Variants in CDKAL1 observed in about 807,000 individuals in gnomAD.
The protein encoded by CDKAL1 is threonylcarbamoyladenosine tRNA methylthiotransferase.
In CDKAL1, 32 loss-of-function variants were observed where a neutral mutation model predicts 68.2. The ratio of observed to expected loss-of-function variants is 0.47; its 90% confidence interval spans 0.35 to 0.63. CDKAL1 has a LOEUF of 0.63. Among genes scored for constraint, CDKAL1 ranks in the 30% least tolerant of loss-of-function variants. CDKAL1 has a pLI of 0.00. For synonymous variants in CDKAL1, 234 were observed against 244.3 expected, an observed-to-expected ratio of 0.96 and a Z score of 0.39; for missense variants, 606 against 696.7, an observed-to-expected ratio of 0.87 and a Z score of 1.47.
intron 9 of CDKAL1, among the ~76,000 whole-genome samples, chr6:20,888,473 A>C: frequency 6.9e-6 from 1 of 144,332 alleles, no homozygotes; most frequent in African/African-American, 2.6e-5. Context: ...GAACCCATTA[A>C]CTCGTCATTT....
chr6:20,812,385 TA>T (rs1487778746), intron 8 of CDKAL1, among the ~76,000 whole-genome samples: 3 of 152,254 alleles, frequency 2.0e-5, no homozygotes, highest in Non-Finnish European at 2.9e-5. Flanking sequence ...TGGCTCCTAT[TA>T]ATAGATTATT....
intron 11 of CDKAL1, among the ~76,000 whole-genome samples, chr6:21,045,437 C>T (rs1269431021): frequency 6.6e-6 from 1 of 152,104 alleles, no homozygotes; most frequent in East Asian, 1.9e-4. Context: ...TTGTTTTCTC[C>T]CTGACTCTGA....
chr6:20,569,791 G>A (rs187321163), intron 4 of CDKAL1, among the ~76,000 whole-genome samples: 42 of 152,206 alleles, frequency 2.8e-4, no homozygotes, highest in African/African-American at 9.6e-4. Context: ...TTTTTCCTTA[G>A]ATATATCTAA....
intron 11 of CDKAL1, among the ~76,000 whole-genome samples, chr6:21,048,711 A>T (rs571019515): frequency 2.4e-4 from 36 of 152,284 alleles, no homozygotes; most frequent in African/African-American, 8.7e-4. Flanking sequence ...TTTTGACTGT[A>T]TAATTTTATA....
intron 5 of CDKAL1, among the ~76,000 whole-genome samples, chr6:20,689,320 C>A (rs1562027581): frequency 6.6e-6 from 1 of 152,128 alleles, no homozygotes; most frequent in African/African-American, 2.4e-5. Flanking sequence ...CACACTGAGC[C>A]TCCAGCAATA....
chr6:20,653,624 T>TC (rs1356239782), intron 5 of CDKAL1, among the ~76,000 whole-genome samples: 2 of 148,944 alleles, frequency 1.3e-5, no homozygotes, highest in East Asian at 4.0e-4. Flanking sequence ...GCTAATTTTT[T>TC]TTTTTTTTTG....
intron 7 of CDKAL1, among the ~76,000 whole-genome samples, chr6:20,761,753 A>C (rs1774479066): frequency 6.6e-6 from 1 of 152,200 alleles, no homozygotes; most frequent in Non-Finnish European, 1.5e-5. Flanking sequence ...AGTTGGTGTC[A>C]GTGATTAGAG....
At chr6:21,198,128 G>T (rs1326836305) in intron 14 of CDKAL1, 24 bp downstream of exon 14, 2 of 1,474,610 alleles carry the variant, frequency 1.4e-6, no homozygotes, top group Non-Finnish European at 1.9e-6. Context: ...CAGTATTCTT[G>T]AGTTTTCTCC....
At chr6:21,178,694 A>G (rs959826848) in intron 13 of CDKAL1, among the ~76,000 whole-genome samples, 4 of 152,234 alleles carry the variant, frequency 2.6e-5, no homozygotes, top group African/African-American at 9.6e-5. Flanking sequence ...CTTTCTAGTT[A>G]TAATGGTGAT....
At chr6:21,214,876 T>TGAATGAAC (rs1438852910) in intron 15 of CDKAL1, among the ~76,000 whole-genome samples, 1 of 92,810 alleles carries the variant, frequency 1.1e-5, no homozygotes, top group African/African-American at 3.2e-5. Context: ...GTCTGTTGGA[T>TGAATGAAC]GAATGAATGA....
At chr6:21,003,337 CTACTAAATATATATATATATAT>C (rs1767530425) in intron 11 of CDKAL1, among the ~76,000 whole-genome samples, 1 of 53,294 alleles carries the variant, frequency 1.9e-5, no homozygotes, top group East Asian at 7.3e-4. Context: ...GAAACCATCT[CTACTAAATATATATATATATAT>C]ATATATATAT....
chr6:21,000,789 A>AT (rs1400622406), intron 11 of CDKAL1, among the ~76,000 whole-genome samples: 12 of 152,198 alleles, frequency 7.9e-5, no homozygotes, highest in East Asian at 1.9e-4. Flanking sequence ...ACTAAACAGC[A>AT]TTTTTTAAAG....
At chr6:20,672,925 A>C (rs11963945) in intron 5 of CDKAL1, among the ~76,000 whole-genome samples, 14,038 of 151,806 alleles carry the variant, frequency 0.092, 2,088 homozygotes, top group African/African-American at 0.31. Flanking sequence ...TACAGGCGCG[A>C]GCTACCATGC....
chr6:20,545,916 A>G (rs953309484), intron 2 of CDKAL1, among the ~76,000 whole-genome samples: 3 of 152,258 alleles, frequency 2.0e-5, no homozygotes, highest in Admixed American at 6.5e-5. Flanking sequence ...CATATTATCT[A>G]ATATCCAGCT....
chr6:20,593,618 AG>A (rs139047892), intron 4 of CDKAL1, among the ~76,000 whole-genome samples: 50,993 of 143,140 alleles, frequency 0.36, 9,395 homozygotes, highest in Middle Eastern at 0.52. Flanking sequence ...AAAAAAAAAA[AG>A]AAACCCAGCT....
intron 9 of CDKAL1, among the ~76,000 whole-genome samples, chr6:20,872,189 G>A (rs1760257919): frequency 6.6e-6 from 1 of 152,040 alleles, no homozygotes; most frequent in Non-Finnish European, 1.5e-5. Flanking sequence ...GTATATTTTA[G>A]AACAGCAATA....
chr6:21,108,595 C>T (rs1773968426), intron 13 of CDKAL1, 132 bp downstream of exon 13: 1 of 548,562 alleles, frequency 1.8e-6, no homozygotes. Context: ...AATTTTTTAG[C>T]TCTTTATCCC....
chr6:20,664,442 A>G (rs1464634873), intron 5 of CDKAL1, among the ~76,000 whole-genome samples: 1 of 152,190 alleles, frequency 6.6e-6, no homozygotes, highest in Non-Finnish European at 1.5e-5. Context: ...GAGGAATCAG[A>G]TAAGCAAGTT....
intron 4 of CDKAL1, among the ~76,000 whole-genome samples, chr6:20,642,490 A>AC (rs1768226995): frequency 1.3e-5 from 2 of 149,130 alleles, no homozygotes; most frequent in African/African-American, 4.9e-5. Context: ...AAAAAAAAAA[A>AC]AAACACTGCG....
Sources: allele counts gnomAD v4.1 joint callset (sites outside exome capture counted in the v4.1 genomes callset), GRCh38; gene constraint gnomAD v4.1.1; transcripts MANE v1.5; gene names NCBI Gene and HGNC (gene_info 2026-07-23, HGNC 2026-07-21).